The following INPP5D variants were observed in gnomAD, a reference collection of about 807,000 sequenced individuals.
INPP5D encodes the protein inositol polyphosphate-5-phosphatase D.
A neutral mutation model predicts 122.9 loss-of-function variants in INPP5D; 33 were observed. That is an observed-to-expected ratio of 0.27 (90% CI 0.20 to 0.36). The LOEUF (loss-of-function observed/expected upper bound fraction) is 0.36, where lower values mean the gene tolerates loss of function less well. Among genes scored for constraint, INPP5D ranks in the 10% least tolerant of loss-of-function variants. The pLI, the probability that INPP5D is intolerant of heterozygous loss-of-function variation, is 1.00. For missense variants in INPP5D, 1,053 were observed against 1,412.7 expected (o/e 0.75, Z 4.08); for synonymous variants, 584 against 576.2 (o/e 1.01, Z -0.19).
chr2:233,104,006 C>CTTTTTT (rs5839471), intron 2 of INPP5D, among the ~76,000 whole-genome samples: 1 of 81,834 alleles, frequency 1.2e-5, no homozygotes, highest in Non-Finnish European at 2.2e-5. Context: ...TGTGCCCTGC[C>CTTTTTT]TTTTTTTTTT....
At chr2:233,115,375 C>G (rs1692758747) in intron 2 of INPP5D, among the ~76,000 whole-genome samples, 1 of 152,190 alleles carries the variant, frequency 6.6e-6, no homozygotes, top group African/African-American at 2.4e-5. Flanking sequence ...GTTAAAATTA[C>G]CCACTGGGAA....
At chr2:233,193,497 A>G (rs890270298) in intron 22 of INPP5D, among the ~76,000 whole-genome samples, 9 of 152,012 alleles carry the variant, frequency 5.9e-5, no homozygotes, top group Non-Finnish European at 8.8e-5. Context: ...TTGCCCGCCA[A>G]TTTTGTTCTG....
chr2:233,205,508 C>A (rs529788012), intron 26 of INPP5D: 8 of 151,492 alleles, frequency 5.3e-5, no homozygotes, highest in African/African-American at 1.9e-4. Flanking sequence ...ATTACAGGCA[C>A]CTGCCACCAT....
intron 10 of INPP5D, among the ~76,000 whole-genome samples, chr2:233,161,271 A>C (rs1466325849): frequency 6.6e-6 from 1 of 152,054 alleles, no homozygotes; most frequent in Non-Finnish European, 1.5e-5. Context: ...TTGTATTTTT[A>C]GTAGAGACAG....
chr2:233,140,729 A>G (rs1574759772), intron 6 of INPP5D: 2 of 152,208 alleles, frequency 1.3e-5, no homozygotes. Context: ...TTTTGTAGAG[A>G]CAGATCTCAC....
At chr2:233,107,778 C>T (rs1692505784) in intron 2 of INPP5D, among the ~76,000 whole-genome samples, 1 of 152,062 alleles carries the variant, frequency 6.6e-6, no homozygotes, top group African/African-American at 2.4e-5. Flanking sequence ...GGGTGGGAGT[C>T]ATGATGTCCC....
At chr2:233,174,533 C>T (rs1279040503) in intron 17 of INPP5D, among the ~76,000 whole-genome samples, 1 of 152,194 alleles carries the variant, frequency 6.6e-6, no homozygotes, top group African/African-American at 2.4e-5. Flanking sequence ...TGGCTCATGC[C>T]TGTATTCCCA....
At chr2:233,150,374 T>C (rs913906879) in intron 9 of INPP5D, among the ~76,000 whole-genome samples, 1 of 152,226 alleles carries the variant, frequency 6.6e-6, no homozygotes, top group Non-Finnish European at 1.5e-5. Context: ...CCTCCTTTGC[T>C]TCTGCTATGA....
rs778375246 is a variant in INPP5D at position 233,204,653 on chromosome 2, C to T, written c.3503C>T (p.Pro1168Leu). ...GACTACCGCGACAACACCGAGCTCC[C>T]GCATCACGGCAAGCACCGGCCGGAG... Reference protein sequence around the residue: ...GRDYRDNTELPHHGKHRPEEG... With the variant: ...GRDYRDNTELLHHGKHRPEEG... Residue 1168 changes from proline (P) to leucine (L), a missense_variant, in exon 26 of 27, where the codon CCG becomes CTG. Physicochemically the swap from Pro to Leu is moderately conservative, Grantham distance 98 (BLOSUM62 -3). Around this residue, in one of 6 missense-constraint regions of INPP5D, gnomAD observed 417 missense variants for 425.8 expected, o/e 0.98. Transcript: ENST00000445964. 1.3e-6 allele frequency: 2 copies of T among 1,583,218 alleles called. No homozygotes were observed. Among genetic ancestry groups the T allele is most frequent in the Non-Finnish European group, 1.7e-6 (2 of 1,165,902 alleles).
chr2:233,187,530 C>T (rs1694953759), intron 21 of INPP5D, among the ~76,000 whole-genome samples: 2 of 152,218 alleles, frequency 1.3e-5, no homozygotes, highest in Admixed American at 6.5e-5. Flanking sequence ...GGGCTGGACC[C>T]ACATTGGCAT....
rs968850828 is a variant in INPP5D, at chr2:233,183,068, A to G, written c.2161+569A>G. On this transcript the variant is annotated intron_variant, in intron 19 of 26. Transcript: ENST00000445964. This position sits in a 1 kb window ranked among gnomAD's most constrained non-coding sequence, Gnocchi z 4.6. ...ATGACTGAGTTTTGGGAAACACCACAGTAAATAATATTTAGATTTGCAGGT... is the reference window on the plus strand; with the variant it reads ...ATGACTGAGTTTTGGGAAACACCACGGTAAATAATATTTAGATTTGCAGGT... 9.9e-5 allele frequency among the ~76,000 whole-genome samples: 15 copies of G among 152,278 alleles called. No individual in the cohort carries two copies. Among genetic ancestry groups the G allele is most frequent in the Non-Finnish European group, 2.1e-4 (14 of 68,020 alleles).
intron 25 of INPP5D, among the ~76,000 whole-genome samples, chr2:233,200,961 AAAATAAATAAATAAATAAATAAATAAAT>A (rs150813540): frequency 9.5e-4 from 135 of 141,906 alleles, no homozygotes; most frequent in Non-Finnish European, 1.9e-3. Context: ...ACTCCATCTC[AAAATAAATAAATAAATAAATAAATAAAT>A]AAATAAATAA....
At chr2:233,198,498 C>CT (rs761445458) in intron 25 of INPP5D, 122 bp downstream of exon 25, 11 of 1,423,228 alleles carry the variant, frequency 7.7e-6, no homozygotes, top group Non-Finnish European at 1.0e-5. Context: ...TGGCTCATGA[C>CT]TTATCCCTGG....
chr2:233,191,353 C>T (rs1045460036), intron 22 of INPP5D, among the ~76,000 whole-genome samples: 9 of 152,186 alleles, frequency 5.9e-5, no homozygotes, highest in African/African-American at 2.2e-4. Flanking sequence ...ATTATCTCCA[C>T]CTGGTCCCTC....
At chr2:233,125,096 C>G (rs1559305638) in intron 3 of INPP5D, among the ~76,000 whole-genome samples, 1 of 152,264 alleles carries the variant, frequency 6.6e-6, no homozygotes, top group Non-Finnish European at 1.5e-5. Flanking sequence ...CGTGTACGTA[C>G]AGAATGAACC....
At chr2:233,157,143 C>T (rs1261141924) in intron 9 of INPP5D, among the ~76,000 whole-genome samples, 1 of 152,230 alleles carries the variant, frequency 6.6e-6, no homozygotes, top group Non-Finnish European at 1.5e-5. Context: ...ATCACCGATT[C>T]TTCCTTTCTT....
chr2:233,185,780 G>A, intron 20 of INPP5D, 63 bp from the exon 21 acceptor site: 1 of 1,482,072 alleles, frequency 6.7e-7, no homozygotes, highest in Non-Finnish European at 9.0e-7. Flanking sequence ...GTGACCCCAG[G>A]GAGTCTTTTC....
chr2:233,071,882 T>C (rs1381539955), intron 1 of INPP5D, among the ~76,000 whole-genome samples: 1 of 152,222 alleles, frequency 6.6e-6, no homozygotes, highest in Non-Finnish European at 1.5e-5. Flanking sequence ...TATTTCAAAT[T>C]GTTTTTTGGT....
At chr2:233,099,792 G>A (rs548435065) in intron 2 of INPP5D, among the ~76,000 whole-genome samples, 12 of 152,268 alleles carry the variant, frequency 7.9e-5, no homozygotes, top group East Asian at 5.8e-4. Context: ...GGGGTGGGGC[G>A]TGTATTAGTC....
Sources: allele counts gnomAD v4.1 joint callset (sites outside exome capture counted in the v4.1 genomes callset), GRCh38; gene constraint gnomAD v4.1.1; regional missense constraint gnomAD v4.1.1; non-coding constraint Gnocchi (gnomAD v3.1); transcripts MANE v1.5; gene names NCBI Gene and HGNC (gene_info 2026-07-23, HGNC 2026-07-21).